The following COMMD6 variants were observed in gnomAD, a reference collection of about 807,000 sequenced individuals.
The protein encoded by COMMD6 is COMM domain-containing protein 6.
COMMD6 carries 11 observed loss-of-function variants against 13.4 expected under a neutral mutation model. The ratio of observed to expected loss-of-function variants is 0.82; its 90% CI spans 0.52 to 1.36. The LOEUF is 1.36. Ranked by LOEUF, COMMD6 falls within the 40% of genes most tolerant of loss-of-function variation. COMMD6 has a pLI of 0.00. For synonymous variants in COMMD6, 43 were observed against 36.5 expected (o/e 1.18, Z -0.64); for missense variants, 124 against 102.4 (o/e 1.21, Z -0.91).
Position 75,526,486 on chromosome 13 carries a change from C to T in COMMD6, c.*103G>A. ...TTAAAAAAATGGAAAAACAAAAGTG[C>T]ATTTTTCATTCAATAAATGTTCCAT... is the stretch of plus-strand genomic sequence containing the variant. On this transcript the variant is annotated 3_prime_UTR_variant, in exon 4 of 4. Coordinates refer to ENST00000682242, the MANE Select transcript of COMMD6 (RefSeq NM_203495.4). The T allele has an allele frequency of 1.3e-6, 1 of 795,280 alleles. No individual in the cohort carries two copies. Among genetic ancestry groups the T allele is most frequent in the East Asian group, 2.6e-5 (1 of 38,272 alleles). The allele number at this position is 795,280 out of a possible 1,614,324, so 49.3% of individuals were successfully genotyped here.
chr13:75,538,097 G>C (rs1276067413), upstream of COMMD6, among the ~76,000 whole-genome samples: 1 of 152,230 alleles, frequency 6.6e-6, no homozygotes. Context: ...ACAGTGACAC[G>C]TGGGCTCTTC....
At chr13:75,548,598 A>T (rs2030958150) in intron 1 of COMMD6, among the ~76,000 whole-genome samples, 1 of 152,136 alleles carries the variant, frequency 6.6e-6, no homozygotes, top group Non-Finnish European at 1.5e-5. Flanking sequence ...CTCCGTGGCT[A>T]CTGTTTTAAT....
At chr13:75,546,119 C>A (rs1336221527) in intron 1 of COMMD6, among the ~76,000 whole-genome samples, 1 of 152,078 alleles carries the variant, frequency 6.6e-6, no homozygotes, top group Non-Finnish European at 1.5e-5. Context: ...TATATACCTA[C>A]CAAGTATCCC....
chr13:75,535,686 T>C (rs2030640657), intron 2 of COMMD6, among the ~76,000 whole-genome samples: 1 of 152,196 alleles, frequency 6.6e-6, no homozygotes, highest in African/African-American at 2.4e-5. Context: ...GGACAGCAAT[T>C]TGCCCTGTGA....
chr13:75,539,237 T>G (rs899986159), upstream of COMMD6, among the ~76,000 whole-genome samples: 1 of 152,064 alleles, frequency 6.6e-6, no homozygotes, highest in African/African-American at 2.4e-5. Context: ...AACTTTTTTT[T>G]TTTTTGAGAC....
chr13:75,538,178 C>T (rs759152596), upstream of COMMD6, among the ~76,000 whole-genome samples: 2 of 152,170 alleles, frequency 1.3e-5, no homozygotes, highest in Non-Finnish European at 2.9e-5. Flanking sequence ...TCGGAAGGCG[C>T]TGGGCGACCG....
At position 75,537,741 on chromosome 13, in the gene COMMD6, TCTC is replaced by T. The variant is rs754411406; in HGVS notation, c.42+20_42+22del. 6.2e-7 allele frequency: 1 copy of T among 1,613,724 alleles called. No individual in the cohort carries two copies. The highest frequency in any genetic ancestry group is 8.5e-7 in the Non-Finnish European group (1 of 1,179,898). On this transcript the variant is annotated intron_variant, in intron 1 of 3. Coordinates refer to ENST00000682242, the MANE Select transcript of COMMD6 (RefSeq NM_203495.4). ...CTTGCTCCAGAGCCTCGCTGCCCACTCTCCTTCCAGGTTGGAACTCACATCGGA... is the reference window on the plus strand; with the variant it reads ...CTTGCTCCAGAGCCTCGCTGCCCACTCTTCCAGGTTGGAACTCACATCGGA...
At position 75,526,562 on chromosome 13, in the gene COMMD6, G is replaced by C; in HGVS notation, c.*27C>G. The C allele has an allele frequency of 1.3e-6, 2 of 1,532,214 alleles. No individual in the cohort carries two copies. Among genetic ancestry groups the C allele is most frequent in the Non-Finnish European group, 1.8e-6 (2 of 1,116,848 alleles). 94.9% of individuals were successfully genotyped at this position (1,532,214 alleles called of 1,614,324 possible). A position where few individuals can be genotyped will look rare whatever the true frequency, so the allele number is the denominator to read the frequency against. Reference sequence around the variant, plus strand: ...TGAAGTCCATGACTTTAGAATGATAGCAATTTATCAACCAAAGAATCCGTC... The same window carrying C: ...TGAAGTCCATGACTTTAGAATGATACCAATTTATCAACCAAAGAATCCGTC... On this transcript the variant is annotated 3_prime_UTR_variant, in exon 4 of 4. Transcript: ENST00000682242.
chr13:75,538,199 A>T (rs1275758708), upstream of COMMD6, among the ~76,000 whole-genome samples: 3 of 152,230 alleles, frequency 2.0e-5, no homozygotes, highest in African/African-American at 7.2e-5. Context: ...CACCCCCGGC[A>T]CATGGGAGTT....
At chr13:75,544,685 C>T (rs1382922770) in intron 1 of COMMD6, among the ~76,000 whole-genome samples, 3 of 152,140 alleles carry the variant, frequency 2.0e-5, no homozygotes, top group Non-Finnish European at 4.4e-5. Flanking sequence ...ATCACTTGAA[C>T]TCAGGAGGCA....
intron 1 of COMMD6, among the ~76,000 whole-genome samples, chr13:75,544,188 A>G (rs1411257183): frequency 6.6e-6 from 1 of 152,186 alleles, no homozygotes; most frequent in African/African-American, 2.4e-5. Context: ...CATGATCACT[A>G]ATCCTATAAT....
intron 3 of COMMD6, 103 bp downstream of exon 3, chr13:75,530,011 A>T: frequency 4.5e-6 from 4 of 888,118 alleles, no homozygotes; most frequent in Non-Finnish European, 7.0e-6. Flanking sequence ...ATCAATCTAC[A>T]AATAAAAACC....
chr13:75,543,592 C>T (rs573377274), upstream of COMMD6, among the ~76,000 whole-genome samples: 131 of 152,332 alleles, frequency 8.6e-4, no homozygotes, highest in African/African-American at 3.1e-3. Context: ...TTGACAGTCA[C>T]CTAGGCCTGA....
At chr13:75,539,293 C>G (rs1482478032), upstream of COMMD6, among the ~76,000 whole-genome samples, 1 of 151,696 alleles carries the variant, frequency 6.6e-6, no homozygotes, top group East Asian at 1.9e-4. Context: ...GACTGGAGTG[C>G]AGTGGTGCAA....
At chr13:75,538,831 C>T (rs2030769791), upstream of COMMD6, 1 of 151,918 alleles carries the variant, frequency 6.6e-6, no homozygotes, top group Admixed American at 6.6e-5. Flanking sequence ...TAATCTAGAA[C>T]TGCACCGGTA....
intron 1 of COMMD6, among the ~76,000 whole-genome samples, chr13:75,545,400 G>A (rs867368509): frequency 6.6e-6 from 1 of 152,158 alleles, no homozygotes; most frequent in East Asian, 1.9e-4. Flanking sequence ...TCAATTCTTA[G>A]ACATGTATTT....
rs76708444 is a variant in COMMD6, at chr13:75,526,579, G to T, written c.*10C>A. 7.3e-5 allele frequency: 115 copies of T among 1,581,432 alleles called. No individual in the cohort carries two copies. The African/African-American group carries it at 1.5e-3, about 20-fold the overall frequency. ...GAATGATAGCAATTTATCAACCAAA[G>T]AATCCGTCTTCACACCGTTTCAATA... On this transcript the variant is annotated 3_prime_UTR_variant, in exon 4 of 4. Transcript: ENST00000682242.
chr13:75,536,076 A>G (rs988548545), intron 2 of COMMD6, among the ~76,000 whole-genome samples: 6 of 152,008 alleles, frequency 3.9e-5, no homozygotes, highest in African/African-American at 1.4e-4. Flanking sequence ...TTATAGAGAT[A>G]AGGTCTTGCT....
chr13:75,537,789 T>C lies in COMMD6; in HGVS notation c.17A>G (p.Glu6Gly), dbSNP rs1465358799. 1 of 1,610,818 alleles carries C rather than the reference T, an allele frequency of 6.2e-7. No homozygotes were observed. The highest frequency in any genetic ancestry group is 8.5e-7 in the Non-Finnish European group (1 of 1,177,712). MEASS[E>G]PPLDAKSDVT... is the part of the protein sequence containing the mutation. ...ATCGGACTTAGCATCCAGCGGCGGC[T>C]CGCTGGACGCCTCCATGGGCAGCGT... Residue 6 changes from glutamate to glycine, a missense_variant, in exon 1 of 4, where the codon GAG becomes GGG. Glu to Gly is a moderately conservative substitution (Grantham distance 98). Coordinates refer to ENST00000682242, the MANE Select transcript of COMMD6 (RefSeq NM_203495.4).
Sources: gnomAD v4.1 joint callset for allele counts (sites outside exome capture counted in the v4.1 genomes callset) on GRCh38, gnomAD v4.1.1 for gene constraint, MANE v1.5 for transcripts, NCBI Gene and HGNC (gene_info 2026-07-23, HGNC 2026-07-21) for gene names.